The following VAC14 variants were observed in gnomAD, a reference collection of about 807,000 sequenced individuals.
The protein encoded by VAC14 is protein VAC14 homolog.
Under a neutral mutation model 85.3 loss-of-function variants are expected in VAC14, and 47 were observed. The ratio of observed to expected loss-of-function variants is 0.55; its 90% CI spans 0.44 to 0.70. The LOEUF is 0.70. VAC14 is among the 30% of genes least tolerant of loss of function. VAC14 has a pLI of 0.00. For missense variants in VAC14, 861 were observed against 1,004.3 expected, an observed-to-expected ratio of 0.86 and a Z score of 1.93; for synonymous variants, 447 against 430.5, an observed-to-expected ratio of 1.04 and a Z score of -0.47.
At chr16:70,752,464 CCT>C (rs1268684545) in intron 12 of VAC14, among the ~76,000 whole-genome samples, 1 of 152,236 alleles carries the variant, frequency 6.6e-6, no homozygotes, top group Admixed American at 6.5e-5. Context: ...CATCCTGGGC[CCT>C]GACCCAGAGG....
At chr16:70,756,103 T>C (rs377570739) in intron 12 of VAC14, 79 of 456,734 alleles carry the variant, frequency 1.7e-4, no homozygotes, top group Middle Eastern at 1.3e-3. Context: ...GGAGTACATC[T>C]GTGGACCGGA....
At chr16:70,720,280 A>G (rs2054257521) in intron 14 of VAC14, among the ~76,000 whole-genome samples, 1 of 152,244 alleles carries the variant, frequency 6.6e-6, no homozygotes, top group South Asian at 2.1e-4. Context: ...ACAGTTAGTG[A>G]AAATTTACAA....
intron 13 of VAC14, among the ~76,000 whole-genome samples, chr16:70,735,585 A>C (rs2054725494): frequency 1.3e-5 from 2 of 152,184 alleles, no homozygotes; most frequent in South Asian, 2.1e-4. Context: ...GGGTCTAGAA[A>C]AGGCGTTTTT....
At chr16:70,758,449 T>C (rs13330898) in intron 12 of VAC14, among the ~76,000 whole-genome samples, 6,840 of 152,248 alleles carry the variant, frequency 0.045, 550 homozygotes, top group African/African-American at 0.15. Flanking sequence ...CACAGGGGAA[T>C]AGACATCCTT....
intron 14 of VAC14, among the ~76,000 whole-genome samples, chr16:70,707,991 AT>A (rs2053954272): frequency 6.6e-6 from 1 of 152,042 alleles, no homozygotes; most frequent in African/African-American, 2.4e-5. Context: ...GGGTTTCACC[AT>A]GTTGGCCAGG....
At chr16:70,759,998 C>T (rs879676904) in intron 12 of VAC14, among the ~76,000 whole-genome samples, 20 of 152,294 alleles carry the variant, frequency 1.3e-4, no homozygotes, top group Non-Finnish European at 2.5e-4. Context: ...CGCAGAGAAC[C>T]GTCGTGAGGG....
intron 13 of VAC14, among the ~76,000 whole-genome samples, chr16:70,741,552 C>T (rs875858): frequency 0.049 from 7,462 of 152,272 alleles, 299 homozygotes; most frequent in Non-Finnish European, 0.062. Context: ...GAGGCCCACA[C>T]GTGAGTCTCA....
intron 14 of VAC14, among the ~76,000 whole-genome samples, chr16:70,712,878 G>A (rs1291680281): frequency 3.3e-5 from 5 of 152,258 alleles, no homozygotes; most frequent in South Asian, 2.1e-4. Flanking sequence ...GCTTGGCGAC[G>A]GAGCCCACGG....
At chr16:70,774,306 G>A (rs1469785409) in intron 9 of VAC14, among the ~76,000 whole-genome samples, 1 of 152,168 alleles carries the variant, frequency 6.6e-6, no homozygotes, top group African/African-American at 2.4e-5. Context: ...TCTGCAGAAT[G>A]TCTCCCCGTT....
chr16:70,711,267 C>T (rs2054027898), intron 14 of VAC14, among the ~76,000 whole-genome samples: 1 of 152,206 alleles, frequency 6.6e-6, no homozygotes, highest in Non-Finnish European at 1.5e-5. Flanking sequence ...GCAACTGCCT[C>T]ACCAGGCCTG....
At chr16:70,691,418 G>T in intron 18 of VAC14, 3 of 985,458 alleles carry the variant, frequency 3.0e-6, no homozygotes, top group Non-Finnish European at 3.6e-6. Context: ...GCGTTGAAGG[G>T]CCAAGGCAAA....
intron 12 of VAC14, chr16:70,755,889 G>A (rs2031803561): frequency 1.0e-5 from 4 of 398,376 alleles, no homozygotes. Context: ...CCAGCCACCT[G>A]GGAACCTAGG....
At chr16:70,718,102 C>T (rs1233589567) in intron 14 of VAC14, among the ~76,000 whole-genome samples, 1 of 152,220 alleles carries the variant, frequency 6.6e-6, no homozygotes, top group Non-Finnish European at 1.5e-5. Context: ...CAGCCACTGC[C>T]CACCCCGGGA....
At position 70,783,625 on chromosome 16, in the gene VAC14, G is replaced by A. The variant is rs147796511; in HGVS notation, c.595-71C>T. 13,249 of 1,500,216 alleles carry A rather than the reference G, an allele frequency of 8.8e-3. 74 individuals carry two copies. Among genetic ancestry groups the A allele is most frequent in the Non-Finnish European group, 0.011 (12,066 of 1,086,056 alleles). The allele number at this position is 1,500,216 out of a possible 1,614,324, so 92.9% of individuals were successfully genotyped here. On this transcript the variant is annotated intron_variant, in intron 5 of 18. Coordinates refer to ENST00000261776, the MANE Select transcript of VAC14 (RefSeq NM_018052.5). The stretch of plus-strand genomic sequence containing the variant: ...TGTTTCCTGCTCACCAAGCCTCTGG[G>A]ACTGGGCTGTAGGAAGGGGACCCTG...
intron 18 of VAC14, chr16:70,688,721 T>TGTGA (rs2053544759): frequency 1.0e-6 from 1 of 985,444 alleles, no homozygotes; most frequent in Non-Finnish European, 1.2e-6. Flanking sequence ...CAACACAGGT[T>TGTGA]GTGCACTGCA....
chr16:70,699,999 T>G (rs2053792172), intron 14 of VAC14: 1 of 151,918 alleles, frequency 6.6e-6, no homozygotes, highest in Admixed American at 6.5e-5. Flanking sequence ...AGGTCTTGGG[T>G]GCTCAGTGAC....
At chr16:70,740,635 A>G (rs1172841839) in intron 13 of VAC14, among the ~76,000 whole-genome samples, 1 of 152,134 alleles carries the variant, frequency 6.6e-6, no homozygotes, top group Non-Finnish European at 1.5e-5. Context: ...AGGAAATACA[A>G]AAGGAGGAGA....
At position 70,692,152 on chromosome 16, in the gene VAC14, G is replaced by A. The variant is rs1249042094; in HGVS notation, c.2186+669C>T. The A allele has an allele frequency of 3.1e-6, 3 of 953,428 alleles. No homozygotes were observed. In the African/African-American group the frequency reaches 5.3e-5, roughly 17 times the overall value. 59.1% of individuals were successfully genotyped at this position (953,428 alleles called of 1,614,324 possible). ...ATGCAGCCCTACAGGCTCTGGGGTA[G>A]GGGCCAGCCGTGGGTTCAGGGTGGG... On this transcript the variant is annotated intron_variant, in intron 18 of 18. Coordinates refer to ENST00000261776, the MANE Select transcript of VAC14 (RefSeq NM_018052.5).
Position 70,697,078 on chromosome 16 carries a change from G to A in VAC14, c.1955+61C>T, listed in dbSNP as rs538503730. Reference sequence around the variant, plus strand: ...GGCCCGCCTGTTGGGTGGAAAGGGGGCAGCCGGCCCCTTCCTGCCCCTCAG... The same window carrying A: ...GGCCCGCCTGTTGGGTGGAAAGGGGACAGCCGGCCCCTTCCTGCCCCTCAG... On this transcript the variant is annotated intron_variant, in intron 16 of 18. Transcript: ENST00000261776. The A allele has an allele frequency of 7.0e-5, 99 of 1,419,252 alleles. 1 individual carries two copies. The East Asian group carries it at 1.5e-3, about 21-fold the overall frequency. 87.9% of individuals were successfully genotyped at this position (1,419,252 alleles called of 1,614,324 possible). A position where few individuals can be genotyped will look rare whatever the true frequency, so the allele number is the denominator to read the frequency against.
Sources: allele counts gnomAD v4.1 joint callset (sites outside exome capture counted in the v4.1 genomes callset), GRCh38; gene constraint gnomAD v4.1.1; transcripts MANE v1.5; gene names NCBI Gene and HGNC (gene_info 2026-07-23, HGNC 2026-07-21).